RPTOR: variants seen among roughly 807,000 people sequenced by gnomAD.
RPTOR encodes regulatory associated protein of MTOR complex 1.
In RPTOR, 21 loss-of-function variants were observed where a neutral mutation model predicts 169.9. The ratio of observed to expected loss-of-function variants is 0.12; its 90% CI spans 0.09 to 0.18. The LOEUF (loss-of-function observed/expected upper bound fraction) is 0.18, where lower values mean the gene tolerates loss of function less well. Among genes scored for constraint, RPTOR ranks in the 10% least tolerant of loss-of-function variants. The probability of loss-of-function intolerance (pLI) is 1.00; values close to 1 mark genes in which losing one functional copy is unlikely to be tolerated. For missense variants in RPTOR, 1,133 were observed against 1,855.9 expected, an observed-to-expected ratio of 0.61 and a Z score of 7.16; for synonymous variants, 732 against 753.2, an observed-to-expected ratio of 0.97 and a Z score of 0.46.
intron 5 of RPTOR, among the ~76,000 whole-genome samples, chr17:80,739,659 C>T (rs1003978310): frequency 4.0e-5 from 6 of 151,120 alleles, no homozygotes; most frequent in East Asian, 1.9e-4. Context: ...TCAATAAACA[C>T]GAGAAAAAAC....
At chr17:80,589,279 G>A (rs2065085859) in intron 1 of RPTOR, among the ~76,000 whole-genome samples, 1 of 152,256 alleles carries the variant, frequency 6.6e-6, no homozygotes, top group African/African-American at 2.4e-5. Flanking sequence ...ACTAAGGGCT[G>A]AGACGCGCCT....
At chr17:80,693,003 A>G (rs749334901) in intron 3 of RPTOR, among the ~76,000 whole-genome samples, 1 of 152,226 alleles carries the variant, frequency 6.6e-6, no homozygotes, top group Non-Finnish European at 1.5e-5. Flanking sequence ...ACACGCACAC[A>G]GTGTTTTCTC....
intron 6 of RPTOR, chr17:80,774,318 C>T: frequency 1.0e-6 from 1 of 985,420 alleles, no homozygotes; most frequent in Non-Finnish European, 1.2e-6. Context: ...GTGGAAGCCG[C>T]AATGTCATGT....
At chr17:80,742,341 G>T (rs762434809) in intron 5 of RPTOR, among the ~76,000 whole-genome samples, 1 of 152,120 alleles carries the variant, frequency 6.6e-6, no homozygotes, top group African/African-American at 2.4e-5. Context: ...TGGAGGCGGA[G>T]CATCGACGGT....
Position 80,908,889 on chromosome 17 carries a change from C to T in RPTOR, c.2480C>T (p.Ser827Leu), listed in dbSNP as rs1393327607. ...HLAADPYPEVSDVAMKVLNSI... is the reference protein window; with the variant it reads ...HLAADPYPEVLDVAMKVLNSI... ...GCTGCTGACCCCTATCCAGAGGTCT[C>T]GGACGTGGCCATGAAAGTACTCAAC... Residue 827 changes from serine (S) to leucine (L), a missense_variant, in exon 21 of 34, where the codon TCG becomes TTG. This residue lies in a region of RPTOR where 123 missense variants were observed against 129.0 expected (regional missense o/e 0.95). Coordinates refer to ENST00000306801, the MANE Select transcript of RPTOR (RefSeq NM_020761.3). 4.3e-6 allele frequency: 7 copies of T among 1,614,064 alleles called. No homozygotes were observed. Among genetic ancestry groups the T allele is most frequent in the Admixed American group, 1.7e-5 (1 of 60,032 alleles).
At chr17:80,598,226 A>T (rs2065158489) in intron 1 of RPTOR, among the ~76,000 whole-genome samples, 1 of 152,172 alleles carries the variant, frequency 6.6e-6, no homozygotes, top group African/African-American at 2.4e-5. Context: ...CATGATGGGA[A>T]TTCCAGATAC....
At chr17:80,662,985 A>T (rs1240164620) in intron 3 of RPTOR, among the ~76,000 whole-genome samples, 5 of 152,192 alleles carry the variant, frequency 3.3e-5, no homozygotes, top group African/African-American at 1.2e-4. Flanking sequence ...AGGTGGAATC[A>T]GCCTTGCCAG....
intron 6 of RPTOR, among the ~76,000 whole-genome samples, chr17:80,782,437 A>G (rs2066950841): frequency 6.6e-6 from 1 of 152,030 alleles, no homozygotes; most frequent in Non-Finnish European, 1.5e-5. Flanking sequence ...TGGGTTTGCC[A>G]CAAAGCCATT....
intron 10 of RPTOR, among the ~76,000 whole-genome samples, chr17:80,841,892 C>A (rs1240275405): frequency 1.7e-5 from 2 of 118,152 alleles, no homozygotes; most frequent in South Asian, 6.0e-4. Context: ...TCACTCTTAC[C>A]GCACGGCAGC....
chr17:80,792,929 C>A (rs185527557), intron 7 of RPTOR, among the ~76,000 whole-genome samples: 1 of 152,018 alleles, frequency 6.6e-6, no homozygotes, highest in Non-Finnish European at 1.5e-5. Context: ...ATGCGTATCC[C>A]AAATCTAAAA....
chr17:80,647,661 C>T (rs2065606878), intron 3 of RPTOR, among the ~76,000 whole-genome samples: 1 of 152,168 alleles, frequency 6.6e-6, no homozygotes. Context: ...GAAGATGAAA[C>T]AGCATGGCGG....
intron 10 of RPTOR, among the ~76,000 whole-genome samples, chr17:80,843,495 G>A (rs528986297): frequency 6.6e-5 from 10 of 152,094 alleles, no homozygotes; most frequent in East Asian, 1.9e-4. Flanking sequence ...TAGAAAGCTC[G>A]GGCTAATTGA....
At chr17:80,634,142 T>C (rs534498826) in intron 2 of RPTOR, among the ~76,000 whole-genome samples, 1 of 149,744 alleles carries the variant, frequency 6.7e-6, no homozygotes, top group South Asian at 2.1e-4. Flanking sequence ...GCATACTGTG[T>C]GCGTGTGCGT....
At chr17:80,738,690 T>C (rs1173310249) in intron 5 of RPTOR, among the ~76,000 whole-genome samples, 1 of 152,222 alleles carries the variant, frequency 6.6e-6, no homozygotes, top group Non-Finnish European at 1.5e-5. Flanking sequence ...TCTTCTACTG[T>C]CATAAGCTTA....
intron 11 of RPTOR, among the ~76,000 whole-genome samples, chr17:80,847,568 C>T (rs981293230): frequency 1.2e-4 from 18 of 152,178 alleles, no homozygotes; most frequent in African/African-American, 3.9e-4. Flanking sequence ...TGTGCATGGC[C>T]GTGGGGAGGG....
intron 1 of RPTOR, among the ~76,000 whole-genome samples, chr17:80,576,387 G>A (rs557105070): frequency 6.4e-4 from 98 of 152,252 alleles, no homozygotes; most frequent in Non-Finnish European, 1.1e-3. Flanking sequence ...AAAGTACAAC[G>A]TCCGTCATGA....
At chr17:80,700,560 T>C (rs953459970) in intron 3 of RPTOR, among the ~76,000 whole-genome samples, 1 of 143,784 alleles carries the variant, frequency 7.0e-6, no homozygotes, top group Non-Finnish European at 1.5e-5. Flanking sequence ...GTGGTGATGG[T>C]AGAGATGATG....
intron 20 of RPTOR, among the ~76,000 whole-genome samples, chr17:80,908,044 G>A (rs1452874118): frequency 6.6e-5 from 10 of 152,164 alleles, no homozygotes; most frequent in Admixed American, 6.5e-5. Context: ...GACGCTGGGG[G>A]TAACACCTGC....
chr17:80,819,031 A>T (rs2067352444), intron 7 of RPTOR, among the ~76,000 whole-genome samples: 1 of 151,956 alleles, frequency 6.6e-6, no homozygotes, highest in African/African-American at 2.4e-5. Flanking sequence ...CACGTTAGGG[A>T]TGTGTTTAGT....
Sources: gnomAD v4.1 joint callset for allele counts (sites outside exome capture counted in the v4.1 genomes callset) on GRCh38, gnomAD v4.1.1 for gene constraint, gnomAD v4.1.1 regional missense constraint, MANE v1.5 for transcripts, NCBI Gene and HGNC (gene_info 2026-07-23, HGNC 2026-07-21) for gene names.